Variants in TNKS observed in about 807,000 individuals in gnomAD.
The protein encoded by TNKS is poly [ADP-ribose] polymerase tankyrase-1.
A neutral mutation model predicts 135.8 loss-of-function variants in TNKS; 72 were observed. The observed-to-expected ratio is 0.53, with a 90% confidence interval of 0.44 to 0.64. The LOEUF is 0.64. TNKS is among the 30% of genes least tolerant of loss of function. TNKS has a pLI of 0.00. For synonymous variants in TNKS, 849 were observed against 649.3 expected (o/e 1.31, Z -4.68); for missense variants, 1,769 against 1,674.0 (o/e 1.06, Z -0.99).
intron 3 of TNKS, among the ~76,000 whole-genome samples, chr8:9,635,747 G>A (rs1448802537): frequency 6.6e-6 from 1 of 152,072 alleles, no homozygotes; most frequent in Non-Finnish European, 1.5e-5. Context: ...AATCTCATGA[G>A]AAAACATTAA....
chr8:9,769,813 GT>G (rs1374966926), intron 25 of TNKS, among the ~76,000 whole-genome samples: 2 of 151,678 alleles, frequency 1.3e-5, no homozygotes, highest in Non-Finnish European at 1.5e-5. Context: ...TAGAGACGAG[GT>G]TTTTACCGTG....
At position 9,770,278 on chromosome 8, in the gene TNKS, A is replaced by G; in HGVS notation, c.3897+16A>G. 6.3e-7 allele frequency: 1 copy of G among 1,599,414 alleles called. No individual in the cohort carries two copies. Among genetic ancestry groups the G allele is most frequent in the Non-Finnish European group, 8.5e-7 (1 of 1,169,610 alleles). ...AGGAGAACAGGTATGTTACTCATCAAACAAGCATAACCAAGTTCACAAACA... is the reference window on the plus strand; with the variant it reads ...AGGAGAACAGGTATGTTACTCATCAGACAAGCATAACCAAGTTCACAAACA... On this transcript the variant is annotated intron_variant, in intron 26 of 26. Coordinates refer to ENST00000310430, the MANE Select transcript of TNKS (RefSeq NM_003747.3).
chr8:9,564,011 T>C (rs963182852), intron 1 of TNKS, among the ~76,000 whole-genome samples: 1 of 152,240 alleles, frequency 6.6e-6, no homozygotes, highest in African/African-American at 2.4e-5. Flanking sequence ...AGATCAAGTC[T>C]CTCAGTAAGG....
Position 9,680,763 on chromosome 8 carries a change from C to G in TNKS, c.1070C>G (p.Pro357Arg). ...GAAAAACTAATGGCTTTACTGACTC[C>G]TCTAAATGTGAATTGCCATGCAAGT... ...NEEKLMALLT[P>R]LNVNCHASDG... The change falls in exon 5 of 27, where the codon CCT becomes CGT. Residue 357 changes from proline (P) to arginine (R), a missense_variant. Transcript: ENST00000310430. The G allele has an allele frequency of 6.2e-7, 1 of 1,612,096 alleles. No homozygotes were observed. The highest frequency in any genetic ancestry group is 8.5e-7 in the Non-Finnish European group (1 of 1,178,876).
chr8:9,757,017 C>T (rs1409196263), intron 20 of TNKS, among the ~76,000 whole-genome samples: 1 of 152,012 alleles, frequency 6.6e-6, no homozygotes, highest in Non-Finnish European at 1.5e-5. Context: ...AGCTCTGTTG[C>T]CCAGGCTGGA....
rs1356892324 is a variant in TNKS, at chr8:9,665,914, C to T, written c.995-14037C>T. On this transcript the variant is annotated intron_variant, in intron 3 of 26. Coordinates refer to ENST00000310430, the MANE Select transcript of TNKS (RefSeq NM_003747.3). The stretch of plus-strand genomic sequence containing the variant: ...TATTTTTATTGGATCCTTTTCCCCT[C>T]CCTAACCTCATTCCTACCTCTCTTT... 3.9e-5 allele frequency among the ~76,000 whole-genome samples: 6 copies of T among 152,154 alleles called. No individual in the cohort carries two copies. In the East Asian group the frequency reaches 1.2e-3, roughly 29 times the overall value.
intron 11 of TNKS, 78 bp downstream of exon 11, chr8:9,710,298 G>A (rs535413088): frequency 1.5e-5 from 20 of 1,355,098 alleles, no homozygotes; most frequent in South Asian, 2.4e-5. Flanking sequence ...CTCTCTCTCC[G>A]ATTTTTCTGA....
chr8:9,704,982 CTTGAAG>C (rs1803982089), intron 6 of TNKS, among the ~76,000 whole-genome samples: 1 of 152,120 alleles, frequency 6.6e-6, no homozygotes, highest in South Asian at 2.1e-4. Context: ...CGTTCTGTTA[CTTGAAG>C]TTGAAATTGT....
At chr8:9,641,529 A>T (rs1178582245) in intron 3 of TNKS, among the ~76,000 whole-genome samples, 1 of 145,928 alleles carries the variant, frequency 6.9e-6, no homozygotes, top group African/African-American at 2.5e-5. Flanking sequence ...ATGGAATTCT[A>T]CTTACCATTG....
At chr8:9,701,425 T>C (rs760511299) in intron 5 of TNKS, among the ~76,000 whole-genome samples, 1 of 152,196 alleles carries the variant, frequency 6.6e-6, no homozygotes, top group Non-Finnish European at 1.5e-5. Flanking sequence ...TTATGTAATA[T>C]TAAATATTAG....
At chr8:9,646,256 G>C (rs1800916275) in intron 3 of TNKS, among the ~76,000 whole-genome samples, 1 of 151,878 alleles carries the variant, frequency 6.6e-6, no homozygotes, top group Non-Finnish European at 1.5e-5. Context: ...TAGAATATAT[G>C]AATGTTATTT....
chr8:9,700,094 C>T (rs1803723081), intron 5 of TNKS, among the ~76,000 whole-genome samples: 3 of 152,020 alleles, frequency 2.0e-5, no homozygotes, highest in African/African-American at 7.2e-5. Context: ...CCTCTGCTTG[C>T]CTCTAGAGTG....
intron 12 of TNKS, among the ~76,000 whole-genome samples, chr8:9,723,539 A>G (rs542642135): frequency 1.3e-5 from 2 of 152,344 alleles, no homozygotes. Context: ...CAAAACTAAC[A>G]TCAATGTAAA....
chr8:9,745,332 A>T (rs1430053126), intron 17 of TNKS, among the ~76,000 whole-genome samples: 1 of 152,240 alleles, frequency 6.6e-6, no homozygotes, highest in East Asian at 1.9e-4. Context: ...CAGAAGAATC[A>T]CAAAACATCC....
intron 3 of TNKS, among the ~76,000 whole-genome samples, chr8:9,653,492 G>C (rs192826161): frequency 1.3e-5 from 2 of 151,884 alleles, no homozygotes. Context: ...TGAGGGCCTC[G>C]TACTGGGTCT....
intron 11 of TNKS, among the ~76,000 whole-genome samples, chr8:9,711,192 A>G (rs1326366952): frequency 6.6e-6 from 1 of 152,166 alleles, no homozygotes. Flanking sequence ...ATTTCAATTT[A>G]TAATACTTTT....
At chr8:9,695,581 CA>C (rs1803477439) in intron 5 of TNKS, among the ~76,000 whole-genome samples, 1 of 152,114 alleles carries the variant, frequency 6.6e-6, no homozygotes, top group Admixed American at 6.5e-5. Flanking sequence ...AGATTTTGAG[CA>C]CAAGATTTGT....
intron 3 of TNKS, among the ~76,000 whole-genome samples, chr8:9,634,099 A>G (rs890467730): frequency 6.9e-6 from 1 of 145,894 alleles, no homozygotes; most frequent in African/African-American, 2.5e-5. Flanking sequence ...ATATATATAT[A>G]TATGTATATA....
At chr8:9,655,577 G>A (rs866171084) in intron 3 of TNKS, among the ~76,000 whole-genome samples, 1 of 152,120 alleles carries the variant, frequency 6.6e-6, no homozygotes, top group Non-Finnish European at 1.5e-5. Context: ...CAGCATTTGC[G>A]GTTCACCAAT....
Sources: allele counts gnomAD v4.1 joint callset (sites outside exome capture counted in the v4.1 genomes callset), GRCh38; gene constraint gnomAD v4.1.1; transcripts MANE v1.5; gene names NCBI Gene and HGNC (gene_info 2026-07-23, HGNC 2026-07-21).